The following SUFU variants were observed in gnomAD, a reference collection of about 807,000 sequenced individuals.
The protein encoded by SUFU is suppressor of fused homolog.
Under a neutral mutation model 58.9 loss-of-function variants are expected in SUFU, and 7 were observed. The observed-to-expected ratio is 0.12, with a 90% CI of 0.07 to 0.22. The LOEUF is 0.22. SUFU is among the 10% of genes least tolerant of loss of function. The pLI is 1.00. For missense variants in SUFU, 451 were observed against 641.3 expected (o/e 0.70, Z 3.20); for synonymous variants, 232 against 254.8 (o/e 0.91, Z 0.85).
At chr10:102,547,649 C>T (rs1165911150) in intron 2 of SUFU, among the ~76,000 whole-genome samples, 2 of 152,108 alleles carry the variant, frequency 1.3e-5, no homozygotes, top group Non-Finnish European at 2.9e-5. Context: ...GTGTTGAGAC[C>T]TGTCTCTACA....
intron 2 of SUFU, among the ~76,000 whole-genome samples, chr10:102,518,060 T>G (rs538046118): frequency 6.6e-6 from 1 of 152,280 alleles, no homozygotes; most frequent in East Asian, 1.9e-4. Context: ...TGAGGCTCTC[T>G]CCCCTCATCC....
chr10:102,572,328 G>A (rs1405343795), intron 3 of SUFU, among the ~76,000 whole-genome samples: 5 of 150,966 alleles, frequency 3.3e-5, no homozygotes, highest in Admixed American at 6.6e-5. Flanking sequence ...CGTCTGCCTC[G>A]GCCTCCCAAA....
chr10:102,576,124 G>A (rs1323922946), intron 3 of SUFU, among the ~76,000 whole-genome samples: 1 of 151,914 alleles, frequency 6.6e-6, no homozygotes, highest in Non-Finnish European at 1.5e-5. Flanking sequence ...GGGATTACAG[G>A]CATGAGGTAC....
At chr10:102,569,275 G>A (rs1279030429) in intron 3 of SUFU, among the ~76,000 whole-genome samples, 1 of 152,098 alleles carries the variant, frequency 6.6e-6, no homozygotes, top group Non-Finnish European at 1.5e-5. Context: ...CTGCCACTGT[G>A]TTCTCACCTG....
chr10:102,539,332 C>T (rs1490299419), intron 2 of SUFU, among the ~76,000 whole-genome samples: 1 of 152,152 alleles, frequency 6.6e-6, no homozygotes, highest in Non-Finnish European at 1.5e-5. Context: ...TGTATTTCTC[C>T]ATAGGAATAT....
At chr10:102,547,441 A>G (rs1485561013) in intron 2 of SUFU, among the ~76,000 whole-genome samples, 1 of 152,224 alleles carries the variant, frequency 6.6e-6, no homozygotes, top group Non-Finnish European at 1.5e-5. Flanking sequence ...CTGGTCTCCA[A>G]AATTCCACGT....
intron 7 of SUFU, among the ~76,000 whole-genome samples, chr10:102,598,421 G>T (rs112972631): frequency 0.18 from 27,912 of 152,138 alleles, 3,024 homozygotes; most frequent in Middle Eastern, 0.26. Flanking sequence ...CTCCCGAAGT[G>T]CTGGGATTAC....
At chr10:102,590,092 A>G in intron 3 of SUFU, among the ~76,000 whole-genome samples, 1 of 144,748 alleles carries the variant, frequency 6.9e-6, no homozygotes, top group East Asian at 2.1e-4. Flanking sequence ...CATTTCTGGG[A>G]TAGATTCTAC....
intron 2 of SUFU, among the ~76,000 whole-genome samples, chr10:102,536,659 G>T (rs1433917859): frequency 1.2e-4 from 19 of 152,030 alleles, no homozygotes; most frequent in Non-Finnish European, 2.1e-4. Flanking sequence ...ACCATGCCTG[G>T]CCTGCATTTT....
intron 3 of SUFU, among the ~76,000 whole-genome samples, chr10:102,564,463 G>T (rs1212356500): frequency 3.9e-5 from 6 of 152,136 alleles, no homozygotes; most frequent in African/African-American, 1.4e-4. Flanking sequence ...TTCCTGAGTA[G>T]CTGGGATTAC....
rs1257463147 is a variant in SUFU at position 102,631,882 on chromosome 10, CA to C, written c.*1729del. 4.3e-6 allele frequency: 1 copy of C among 233,276 alleles called. No individual in the cohort carries two copies. The highest frequency in any genetic ancestry group is 8.5e-6 in the Non-Finnish European group (1 of 118,130). 14.5% of individuals were successfully genotyped at this position (233,276 alleles called of 1,614,324 possible). ...AGACTGGCTGCAGATCCCCGCCAGC[CA>C]AGATGCAAGCCACTCGGGACCTGAT... is the stretch of plus-strand genomic sequence containing the variant. On this transcript the variant is annotated 3_prime_UTR_variant, in exon 12 of 12. Transcript: ENST00000369902.
upstream of SUFU, among the ~76,000 whole-genome samples, chr10:102,502,881 G>A (rs2062269445): frequency 6.6e-6 from 1 of 152,240 alleles, no homozygotes; most frequent in Non-Finnish European, 1.5e-5. Flanking sequence ...GCAGTACCCT[G>A]GGATTTGTGG....
intron 3 of SUFU, among the ~76,000 whole-genome samples, chr10:102,570,154 C>G (rs1020981651): frequency 1.3e-5 from 2 of 152,044 alleles, no homozygotes; most frequent in South Asian, 4.2e-4. Flanking sequence ...AGTTGCTGGC[C>G]CAGGCGCTTG....
chr10:102,573,482 G>A lies in SUFU; in HGVS notation c.455-19100G>A, dbSNP rs138716897. 6.2e-4 allele frequency among the ~76,000 whole-genome samples: 95 copies of A among 152,318 alleles called. No homozygotes were observed. In the East Asian group the frequency reaches 0.018, roughly 28 times the overall value. ...TGTATGATCCAGCAATCTCACCTCT[G>A]GGTATGTGTCCAAAAGAATTGAAAG... is the stretch of plus-strand genomic sequence containing the variant. On this transcript the variant is annotated intron_variant, in intron 3 of 11. Coordinates refer to ENST00000369902, the MANE Select transcript of SUFU (RefSeq NM_016169.4).
chr10:102,514,400 C>A (rs4919652), intron 2 of SUFU, among the ~76,000 whole-genome samples: 17,586 of 152,166 alleles, frequency 0.12, 1,484 homozygotes, highest in East Asian at 0.42. Context: ...TTGGGATGGC[C>A]ATTTTCATTC....
At chr10:102,605,152 T>C (rs2063551330) in intron 8 of SUFU, among the ~76,000 whole-genome samples, 1 of 151,912 alleles carries the variant, frequency 6.6e-6, no homozygotes, top group African/African-American at 2.4e-5. Flanking sequence ...CTCCTGACCT[T>C]ATGATCTGCC....
At chr10:102,605,437 G>A (rs577704551) in intron 8 of SUFU, among the ~76,000 whole-genome samples, 1 of 152,252 alleles carries the variant, frequency 6.6e-6, no homozygotes, top group Non-Finnish European at 1.5e-5. Context: ...GGCCTGGGAG[G>A]TTGAGGCTGC....
chr10:102,604,471 TC>T (rs1281037760), intron 8 of SUFU, among the ~76,000 whole-genome samples: 7 of 152,226 alleles, frequency 4.6e-5, no homozygotes, highest in African/African-American at 1.4e-4. Flanking sequence ...ACTTCAGAAT[TC>T]CTTGCTGGTG....
At chr10:102,577,082 T>TTC (rs1200497315) in intron 3 of SUFU, among the ~76,000 whole-genome samples, 1 of 116,978 alleles carries the variant, frequency 8.5e-6, no homozygotes, top group Non-Finnish European at 1.8e-5. Context: ...GATTTTTTCT[T>TTC]TTCTTTTTTT....
Sources: gnomAD v4.1 joint callset for allele counts (sites outside exome capture counted in the v4.1 genomes callset) on GRCh38, gnomAD v4.1.1 for gene constraint, MANE v1.5 for transcripts, NCBI Gene and HGNC (gene_info 2026-07-23, HGNC 2026-07-21) for gene names.